Variants in PLXNA2 observed in about 807,000 individuals in gnomAD.
PLXNA2 encodes plexin-A2.
PLXNA2 carries 91 observed loss-of-function variants against 193.5 expected under a neutral mutation model. The ratio of observed to expected loss-of-function variants is 0.47; its 90% confidence interval spans 0.40 to 0.56. The LOEUF (loss-of-function observed/expected upper bound fraction) is 0.56. Ranked by LOEUF, PLXNA2 falls within the 20% of genes least tolerant of loss-of-function variation. PLXNA2 has a pLI of 0.00. For synonymous variants in PLXNA2, 997 were observed against 1,027.3 expected, an observed-to-expected ratio of 0.97 and a Z score of 0.56; for missense variants, 1,995 against 2,503.2, an observed-to-expected ratio of 0.80 and a Z score of 4.33.
At position 208,098,738 on chromosome 1, in the gene PLXNA2, T is replaced by G. The variant is rs1666997697; in HGVS notation, c.1731+108A>C. 1.1e-5 allele frequency: 15 copies of G among 1,315,798 alleles called. No individual in the cohort carries two copies. The South Asian group carries it at 2.2e-4, about 19-fold the overall frequency. 81.5% of individuals were successfully genotyped at this position (1,315,798 alleles called of 1,614,324 possible). On this transcript the variant is annotated intron_variant, in intron 6 of 31. Coordinates refer to ENST00000367033, the MANE Select transcript of PLXNA2 (RefSeq NM_025179.4). ...TAAACATAAAGTCTCCTTACTGGAT[T>G]TAAAGTCTGATCAATTTACAGATAC... is the stretch of plus-strand genomic sequence containing the variant.
Position 208,079,395 on chromosome 1 carries a change from G to C in PLXNA2, c.2451C>G (p.Ala817=), listed in dbSNP as rs142754644. The stretch of plus-strand genomic sequence containing the variant: ...ACCAGCCACACTCAAACTTCCGGTC[G>C]GCCTTGAGGCAGAGGCCGCAGCTCT... ...QRESCGLCLK[A]DRKFECGWCS... is the part of the protein sequence containing the mutation. Residue 817 remains alanine, a synonymous_variant, in exon 12 of 32, where the codon GCC becomes GCG. Coordinates refer to ENST00000367033, the MANE Select transcript of PLXNA2 (RefSeq NM_025179.4). 93 of 1,613,228 alleles carry C rather than the reference G, an allele frequency of 5.8e-5. No homozygotes were observed. The African/African-American group carries it at 1.1e-3, about 20-fold the overall frequency.
At position 208,142,442 on chromosome 1, in the gene PLXNA2, G is replaced by C; in HGVS notation, c.1393C>G (p.His465Asp). ...LKKIRADGPP[H>D]GGVQYEMVSV... is the part of the protein sequence containing the mutation. Reference sequence around the variant, plus strand: ...ACCATCTCGTACTGGACCCCACCATGGGGGGGACCGTCGGCCCGAATCTGT... The same window carrying C: ...ACCATCTCGTACTGGACCCCACCATCGGGGGGACCGTCGGCCCGAATCTGT... The change falls in exon 4 of 32, where the codon CAT becomes GAT. Residue 465 changes from histidine (H) to aspartate (D), a missense_variant. By Grantham distance (81) the His-to-Asp change is moderately conservative (BLOSUM62 -1). Coordinates refer to ENST00000367033, the MANE Select transcript of PLXNA2 (RefSeq NM_025179.4). 1.9e-6 allele frequency: 3 copies of C among 1,608,192 alleles called. No homozygotes were observed. Among genetic ancestry groups the C allele is most frequent in the Non-Finnish European group, 2.5e-6 (3 of 1,177,776 alleles).
At chr1:208,231,533 C>T (rs542639891) in intron 1 of PLXNA2, among the ~76,000 whole-genome samples, 18 of 152,334 alleles carry the variant, frequency 1.2e-4, no homozygotes, top group African/African-American at 4.3e-4. Flanking sequence ...TGTCTGCTCT[C>T]CTCCCAGATG....
rs971256095 is a variant in PLXNA2, at chr1:208,202,167, A to G, written c.1371+8113T>C. On this transcript the variant is annotated intron_variant, in intron 3 of 31. Coordinates refer to ENST00000367033, the MANE Select transcript of PLXNA2 (RefSeq NM_025179.4). The stretch of plus-strand genomic sequence containing the variant: ...GCTAATTTTTGTATTTTTAGTAGAG[A>G]TGGGGTTTCATCATGTTGGCCAGGC... Among the ~76,000 whole-genome samples, 4 of 151,688 alleles carry G rather than the reference A, an allele frequency of 2.6e-5. No homozygotes were observed. In the East Asian group the frequency reaches 7.8e-4, roughly 30 times the overall value.
At chr1:208,163,963 C>A (rs1008359901) in intron 3 of PLXNA2, among the ~76,000 whole-genome samples, 1 of 152,210 alleles carries the variant, frequency 6.6e-6, no homozygotes, top group Non-Finnish European at 1.5e-5. Flanking sequence ...TCACCACCCC[C>A]ACAAAGGGGC....
intron 5 of PLXNA2, among the ~76,000 whole-genome samples, 155 bp downstream of exon 5, chr1:208,102,992 T>C (rs1315780801): frequency 6.6e-6 from 1 of 152,202 alleles, no homozygotes; most frequent in Admixed American, 6.5e-5. Flanking sequence ...ATGGCCTCTT[T>C]GCCTCTTCCT....
intron 4 of PLXNA2, among the ~76,000 whole-genome samples, chr1:208,119,696 G>A (rs951683255): frequency 6.6e-6 from 1 of 152,270 alleles, no homozygotes; most frequent in East Asian, 1.9e-4. Context: ...TGCAGCCTCC[G>A]CCTCCTGGGT....
intron 1 of PLXNA2, among the ~76,000 whole-genome samples, chr1:208,219,681 ATCCTC>A (rs1671258345): frequency 6.6e-6 from 1 of 152,102 alleles, no homozygotes; most frequent in Non-Finnish European, 1.5e-5. Context: ...TCAGTTCTGC[ATCCTC>A]GGCCTGGCAG....
At chr1:208,152,714 C>CAT (rs1558218252) in intron 3 of PLXNA2, among the ~76,000 whole-genome samples, 1 of 150,088 alleles carries the variant, frequency 6.7e-6, no homozygotes, top group African/African-American at 2.5e-5. Flanking sequence ...CACACACACA[C>CAT]ACACCACCTT....
chr1:208,042,085 C>G lies in PLXNA2; in HGVS notation c.4286+13G>C. On this transcript the variant is annotated intron_variant, in intron 22 of 31. Transcript: ENST00000367033. Reference sequence around the variant, plus strand: ...CTCCTGCCACCCTCTCCACCCACTGCTGCGGGCCAGACCTCCGGAGTAGCA... The same window carrying G: ...CTCCTGCCACCCTCTCCACCCACTGGTGCGGGCCAGACCTCCGGAGTAGCA... 6.2e-7 allele frequency: 1 copy of G among 1,611,904 alleles called. No homozygotes were observed. The highest frequency in any genetic ancestry group is 8.5e-7 in the Non-Finnish European group (1 of 1,178,670).
In PLXNA2 at chr1:208,217,443, G is replaced by A; in HGVS notation, c.480C>T (p.Ser160=). Residue 160 remains serine, a synonymous_variant, in exon 2 of 32, where the codon TCC becomes TCT. Transcript: ENST00000367033. The surrounding 1 kb of genome is among the most constrained non-coding windows in gnomAD (Gnocchi z 4.7). ...EPSHKKEHYL[S]SVNKTGTMYG... ...ACATGGTGCCCGTCTTGTTGACACTGGACAGGTAGTGCTCCTTCTTGTGGG... is the reference window on the plus strand; with the variant it reads ...ACATGGTGCCCGTCTTGTTGACACTAGACAGGTAGTGCTCCTTCTTGTGGG... 3 of 1,614,184 alleles carry A rather than the reference G, an allele frequency of 1.9e-6. No individual in the cohort carries two copies. Among genetic ancestry groups the A allele is most frequent in the Non-Finnish European group, 2.5e-6 (3 of 1,180,040 alleles).
intron 10 of PLXNA2, among the ~76,000 whole-genome samples, chr1:208,083,464 C>T (rs1245698809): frequency 1.3e-5 from 2 of 152,060 alleles, no homozygotes; most frequent in Non-Finnish European, 2.9e-5. Context: ...CCACTGCCTC[C>T]CTTTGTTGTG....
At chr1:208,148,250 A>T (rs1369277705) in intron 3 of PLXNA2, among the ~76,000 whole-genome samples, 1 of 152,048 alleles carries the variant, frequency 6.6e-6, no homozygotes, top group Non-Finnish European at 1.5e-5. Context: ...CATTATTATT[A>T]GTAGTAGTAG....
intron 3 of PLXNA2, among the ~76,000 whole-genome samples, chr1:208,166,561 A>T (rs1669316325): frequency 6.6e-6 from 1 of 152,236 alleles, no homozygotes; most frequent in South Asian, 2.1e-4. Flanking sequence ...CAATACAGGT[A>T]ACTAAGAGGC....
chr1:208,029,690 C>T (rs1664442956), intron 29 of PLXNA2: 1 of 986,558 alleles, frequency 1.0e-6, no homozygotes. Context: ...CACTGTAGCT[C>T]AGAGATTTTC....
intron 8 of PLXNA2, among the ~76,000 whole-genome samples, chr1:208,093,917 T>C (rs1412321426): frequency 6.6e-6 from 1 of 152,206 alleles, no homozygotes; most frequent in Non-Finnish European, 1.5e-5. Flanking sequence ...CAACCTGGAA[T>C]GGACAGGACC....
In PLXNA2 at chr1:208,142,534, A is replaced by G. The variant is rs557288899; in HGVS notation, c.1372-71T>C. Reference sequence around the variant, plus strand: ...CCCTGTGGGCTACCTGCCTCTGCCCAGAGCAGGTAGCTTACAGAAGACCAT... The same window carrying G: ...CCCTGTGGGCTACCTGCCTCTGCCCGGAGCAGGTAGCTTACAGAAGACCAT... On this transcript the variant is annotated intron_variant, in intron 3 of 31. Coordinates refer to ENST00000367033, the MANE Select transcript of PLXNA2 (RefSeq NM_025179.4). 25 of 1,414,554 alleles carry G rather than the reference A, an allele frequency of 1.8e-5. No homozygotes were observed. In the Admixed American group the frequency reaches 4.6e-4, roughly 26 times the overall value. The allele number at this position is 1,414,554 out of a possible 1,614,324, so 87.6% of individuals were successfully genotyped here.
chr1:208,185,857 A>G (rs1242861428), intron 3 of PLXNA2, among the ~76,000 whole-genome samples: 1 of 152,120 alleles, frequency 6.6e-6, no homozygotes, highest in Admixed American at 6.5e-5. Flanking sequence ...GTGGCAAGGA[A>G]GAGGTGCTGG....
intron 10 of PLXNA2, among the ~76,000 whole-genome samples, 168 bp downstream of exon 10, chr1:208,084,212 G>T (rs932414335): frequency 6.6e-5 from 10 of 152,260 alleles, no homozygotes; most frequent in African/African-American, 2.4e-4. Context: ...CACCTGCCCT[G>T]CTCTGGCTGA....
Sources: allele counts gnomAD v4.1 joint callset (sites outside exome capture counted in the v4.1 genomes callset), GRCh38; gene constraint gnomAD v4.1.1; non-coding constraint Gnocchi (gnomAD v3.1); transcripts MANE v1.5; gene names NCBI Gene and HGNC (gene_info 2026-07-23, HGNC 2026-07-21).